TRIM67: variants seen among roughly 807,000 people sequenced by gnomAD.
TRIM67 encodes the protein tripartite motif containing 67.
A neutral mutation model predicts 71.0 loss-of-function variants in TRIM67; 39 were observed. The observed-to-expected ratio is 0.55, with a 90% CI of 0.43 to 0.72. TRIM67 has a LOEUF of 0.72. TRIM67 is among the 30% of genes least tolerant of loss of function. The pLI, the probability that TRIM67 is intolerant of heterozygous loss-of-function variation, is 0.00. For synonymous variants in TRIM67, 481 were observed against 473.9 expected, an observed-to-expected ratio of 1.01 and a Z score of -0.19; for missense variants, 973 against 1,079.2, an observed-to-expected ratio of 0.90 and a Z score of 1.38.
intron 1 of TRIM67, among the ~76,000 whole-genome samples, chr1:231,172,782 T>C (rs1484412048): frequency 6.6e-6 from 1 of 152,236 alleles, no homozygotes; most frequent in Non-Finnish European, 1.5e-5. Context: ...TGATTCTGGA[T>C]GATATCTATA....
At chr1:231,215,088 G>C (rs140996264) in intron 9 of TRIM67, among the ~76,000 whole-genome samples, 1 of 152,236 alleles carries the variant, frequency 6.6e-6, no homozygotes, top group African/African-American at 2.4e-5. Context: ...CGTGAGAGCC[G>C]TGCTCCTGTG....
intron 1 of TRIM67, among the ~76,000 whole-genome samples, chr1:231,175,391 T>C (rs1423400596): frequency 6.6e-6 from 1 of 152,228 alleles, no homozygotes; most frequent in Non-Finnish European, 1.5e-5. Context: ...TTTAGCCTAC[T>C]TACAAGCCAA....
Position 231,219,475 on chromosome 1 carries a change from C to G in TRIM67, c.*4035C>G. ...AGCTGCCAGCCTTTATCTTGATACC[C>G]AAGCCCAGGATTTTCCATGTGTCTT... On this transcript the variant is annotated 3_prime_UTR_variant, in exon 10 of 10. Coordinates refer to ENST00000366653, the MANE Select transcript of TRIM67 (RefSeq NM_001004342.5). 1.0e-5 allele frequency: 11 copies of G among 1,052,674 alleles called. No individual in the cohort carries two copies. Among genetic ancestry groups the G allele is most frequent in the Non-Finnish European group, 1.1e-5 (10 of 871,424 alleles). The allele number at this position is 1,052,674 out of a possible 1,614,324, so 65.2% of individuals were successfully genotyped here. A position where few individuals can be genotyped will look rare whatever the true frequency, so the allele number is the denominator to read the frequency against.
Position 231,213,920 on chromosome 1 carries a change from C to A in TRIM67, c.2229C>A (p.Ala743=), listed in dbSNP as rs1481053022. Residue 743 remains alanine, a synonymous_variant, in exon 9 of 10, where the codon GCC becomes GCA. Transcript: ENST00000366653. ...FINGQQQGPT[A]FSHVDGVFMP... is the part of the protein sequence containing the mutation. The stretch of plus-strand genomic sequence containing the variant: ...ACGGGCAGCAGCAGGGCCCCACAGC[C>A]TTCAGCCACGTGGACGGGGTCTTCA... The A allele has an allele frequency of 6.2e-6, 10 of 1,613,676 alleles. No individual in the cohort carries two copies. Among genetic ancestry groups the A allele is most frequent in the Non-Finnish European group, 8.5e-6 (10 of 1,179,770 alleles).
intron 1 of TRIM67, among the ~76,000 whole-genome samples, chr1:231,185,825 GGC>G (rs1683057071): frequency 1.3e-5 from 2 of 151,882 alleles, no homozygotes; most frequent in Admixed American, 1.3e-4. Flanking sequence ...GAGAGGTGAT[GGC>G]AGAACAGAGA....
intron 1 of TRIM67, among the ~76,000 whole-genome samples, chr1:231,187,952 CA>C (rs1259584859): frequency 2.0e-5 from 3 of 152,174 alleles, no homozygotes; most frequent in Non-Finnish European, 4.4e-5. Context: ...TAGAGAAAAG[CA>C]AGTCCTGTTC....
intron 9 of TRIM67, among the ~76,000 whole-genome samples, 191 bp downstream of exon 9, chr1:231,214,168 C>A (rs4658906): frequency 0.26 from 39,092 of 152,098 alleles, 5,506 homozygotes; most frequent in Admixed American, 0.36. Context: ...CTTGGGACAC[C>A]CAGGGGCCCT....
chr1:231,203,617 C>T (rs1157184258), intron 5 of TRIM67, among the ~76,000 whole-genome samples: 1 of 152,168 alleles, frequency 6.6e-6, no homozygotes, highest in East Asian at 1.9e-4. Flanking sequence ...CCATCTGCCA[C>T]GGCCCCCTGA....
At chr1:231,184,930 C>T (rs1024516339) in intron 1 of TRIM67, 2 of 1,245,914 alleles carry the variant, frequency 1.6e-6, no homozygotes, top group South Asian at 1.4e-5. Context: ...GAATTCAGGG[C>T]CCAACCCTGA....
At chr1:231,214,043 G>A in intron 9 of TRIM67, 66 bp downstream of exon 9, 1 of 1,498,446 alleles carries the variant, frequency 6.7e-7, no homozygotes, top group South Asian at 1.3e-5. Flanking sequence ...GGTCTCTGCA[G>A]TGCCCTTGGG....
intron 1 of TRIM67, chr1:231,187,699 C>T (rs939030798): frequency 1.9e-5 from 16 of 831,990 alleles, no homozygotes; most frequent in Admixed American, 8.6e-5. Flanking sequence ...GTGGGAGAGG[C>T]GGGGTGGGAA....
At chr1:231,184,950 C>T in intron 1 of TRIM67, 1 of 1,420,362 alleles carries the variant, frequency 7.0e-7, no homozygotes, top group Non-Finnish European at 9.5e-7. Flanking sequence ...AAGCCCAGCT[C>T]TAAGGGTTGC....
Position 231,163,772 on chromosome 1 carries a change from C to A in TRIM67, c.803C>A (p.Thr268Asn). 6.7e-7 allele frequency: 1 copy of A among 1,491,144 alleles called. No individual in the cohort carries two copies. Among genetic ancestry groups the A allele is most frequent in the Non-Finnish European group, 8.9e-7 (1 of 1,120,312 alleles). 92.4% of individuals were successfully genotyped at this position (1,491,144 alleles called of 1,614,324 possible). A position where few individuals can be genotyped will look rare whatever the true frequency, so the allele number is the denominator to read the frequency against. ...CCCGCCGAGGCAGCCTCCGGGCCCA[C>A]TGGCACCGCCCAGGGCGCCCCCAGC... ...PPPAEAASGP[T>N]GTAQGAPSGG... Residue 268 changes from threonine (T) to asparagine (N), a missense_variant, in exon 1 of 10, where the codon ACT becomes AAT. Around this residue, in one of 2 missense-constraint regions of TRIM67, gnomAD observed 795 missense variants for 831.3 expected, o/e 0.96. Coordinates refer to ENST00000366653, the MANE Select transcript of TRIM67 (RefSeq NM_001004342.5).
At chr1:231,178,271 T>A (rs1314605363) in intron 1 of TRIM67, among the ~76,000 whole-genome samples, 1 of 152,180 alleles carries the variant, frequency 6.6e-6, no homozygotes, top group African/African-American at 2.4e-5. Flanking sequence ...TAGACTGACA[T>A]TACTAAAATC....
chr1:231,166,985 G>A (rs1293088862), intron 1 of TRIM67, among the ~76,000 whole-genome samples: 3 of 152,148 alleles, frequency 2.0e-5, no homozygotes, highest in Non-Finnish European at 2.9e-5. Context: ...GTGTACCATA[G>A]CTCTTTCCTA....
At chr1:231,199,660 G>C (rs543052784) in intron 3 of TRIM67, among the ~76,000 whole-genome samples, 1 of 152,322 alleles carries the variant, frequency 6.6e-6, no homozygotes, top group Non-Finnish European at 1.5e-5. Flanking sequence ...TCTCTGAGTT[G>C]ATGACGGGCT....
intron 5 of TRIM67, among the ~76,000 whole-genome samples, chr1:231,202,092 ATAAT>A (rs1558303980): frequency 1.2e-3 from 1 of 820 alleles, no homozygotes. Flanking sequence ...GGTGGCTAAG[ATAAT>A]GGAGGAGGAG....
rs1684024314 is a variant in TRIM67 at position 231,216,753 on chromosome 1, C to T, written c.*1313C>T. ...AGGACTCTGGAAACACCAGGCTTCT[C>T]CCTTGAGATCCACATTGATTCATCC... is the stretch of plus-strand genomic sequence containing the variant. On this transcript the variant is annotated 3_prime_UTR_variant, in exon 10 of 10. Coordinates refer to ENST00000366653, the MANE Select transcript of TRIM67 (RefSeq NM_001004342.5). 1.0e-6 allele frequency: 1 copy of T among 985,370 alleles called. No homozygotes were observed. Among genetic ancestry groups the T allele is most frequent in the Admixed American group, 6.1e-5 (1 of 16,266 alleles). 61.0% of individuals were successfully genotyped at this position (985,370 alleles called of 1,614,324 possible).
intron 7 of TRIM67, 55 bp downstream of exon 7, chr1:231,206,845 CA>C: frequency 8.0e-6 from 12 of 1,505,328 alleles, no homozygotes; most frequent in Non-Finnish European, 1.1e-5. Context: ...TATCCAGTGA[CA>C]ACCAGACAGC....
Sources: allele counts gnomAD v4.1 joint callset (sites outside exome capture counted in the v4.1 genomes callset), GRCh38; gene constraint gnomAD v4.1.1; regional missense constraint gnomAD v4.1.1; transcripts MANE v1.5; gene names NCBI Gene and HGNC (gene_info 2026-07-23, HGNC 2026-07-21).